The following IL36G variants were observed in gnomAD, a reference collection of about 807,000 sequenced individuals.
The protein encoded by IL36G is interleukin-36 gamma.
A neutral mutation model predicts 13.5 loss-of-function variants in IL36G; 10 were observed. That is an observed-to-expected ratio of 0.74 (90% confidence interval 0.46 to 1.26). The LOEUF is 1.26. IL36G is among the 50% of genes most tolerant of loss of function. The pLI is 0.00. For missense variants in IL36G, 199 were observed against 203.0 expected (o/e 0.98, Z 0.12); for synonymous variants, 84 against 74.0 (o/e 1.13, Z -0.69).
Position 112,979,345 on chromosome 2 carries a change from C to T in IL36G, c.160+20C>T. ...CCCCAGGTGAGTGGTCACCCTGTGC[C>T]TTCCCCACTGTTTGCACTGCTGTGG... On this transcript the variant is annotated intron_variant, in intron 3 of 4. Transcript: ENST00000259205. 1 of 1,428,164 alleles carries T rather than the reference C, an allele frequency of 7.0e-7. No homozygotes were observed. 88.5% of individuals were successfully genotyped at this position (1,428,164 alleles called of 1,614,324 possible). A position where few individuals can be genotyped will look rare whatever the true frequency, so the allele number is the denominator to read the frequency against.
intron 4 of IL36G, 118 bp from the exon 5 acceptor site, chr2:112,984,722 C>A (rs1431453478): frequency 1.2e-6 from 1 of 847,634 alleles, no homozygotes; most frequent in Non-Finnish European, 1.9e-6. Flanking sequence ...TAGGCCTGCT[C>A]TAATAGATGG....
intron 1 of IL36G, among the ~76,000 whole-genome samples, chr2:112,978,341 G>A (rs1684201586): frequency 6.6e-6 from 1 of 152,208 alleles, no homozygotes; most frequent in Admixed American, 6.5e-5. Context: ...GTGCCTGTGG[G>A]TTATTTAAGG....
At chr2:112,984,628 C>T (rs1226156101) in intron 4 of IL36G, among the ~76,000 whole-genome samples, 1 of 152,176 alleles carries the variant, frequency 6.6e-6, no homozygotes, top group African/African-American at 2.4e-5. Context: ...CTTCCTACAC[C>T]ATCTCTGGAT....
At chr2:112,981,988 C>A (rs769387971) in intron 4 of IL36G, among the ~76,000 whole-genome samples, 3 of 152,142 alleles carry the variant, frequency 2.0e-5, no homozygotes, top group Non-Finnish European at 4.4e-5. Flanking sequence ...TCTAGCACTG[C>A]GTAGATGCTT....
chr2:112,981,119 T>C (rs779018578), intron 4 of IL36G: 4 of 865,390 alleles, frequency 4.6e-6, no homozygotes, highest in Non-Finnish European at 7.6e-6. Context: ...TTTTTCAAAC[T>C]GTACAGTCAC....
chr2:112,980,997 A>G (rs1421256484), intron 4 of IL36G, among the ~76,000 whole-genome samples: 8 of 152,244 alleles, frequency 5.3e-5, no homozygotes. Context: ...TATTAGTGAC[A>G]TATGCCCCTT....
In IL36G at chr2:112,980,541, G is replaced by A. The variant is rs115035667; in HGVS notation, c.300+393G>A. Among the ~76,000 whole-genome samples the A allele has an allele frequency of 9.1e-3, 1,379 of 152,324 alleles. 23 individuals carry two copies. Among genetic ancestry groups the A allele is most frequent in the African/African-American group, 0.032 (1,314 of 41,552 alleles). On this transcript the variant is annotated intron_variant, in intron 4 of 4. Coordinates refer to ENST00000259205, the MANE Select transcript of IL36G (RefSeq NM_019618.4). The stretch of plus-strand genomic sequence containing the variant: ...GTCTTCATCTGATGCTCTGAACAGG[G>A]AGAGTTTAGAGTGAGAGTTGACATT...
intron 2 of IL36G, among the ~76,000 whole-genome samples, 180 bp from the exon 3 acceptor site, chr2:112,979,041 G>A (rs1684214629): frequency 6.6e-6 from 1 of 152,228 alleles, no homozygotes; most frequent in Admixed American, 6.5e-5. Context: ...CCTCACCAGA[G>A]CTCACAACTT....
chr2:112,983,844 A>C (rs146885557), intron 4 of IL36G, among the ~76,000 whole-genome samples: 1 of 152,294 alleles, frequency 6.6e-6, no homozygotes, highest in East Asian at 1.9e-4. Flanking sequence ...TGATTATTAG[A>C]GAATAGAGTA....
chr2:112,979,615 T>C (rs1684228183), intron 3 of IL36G, among the ~76,000 whole-genome samples: 1 of 152,148 alleles, frequency 6.6e-6, no homozygotes, highest in Admixed American at 6.5e-5. Flanking sequence ...TGTCCTAAAA[T>C]GACTAAATGG....
chr2:112,980,223 A>G (rs989133940), intron 4 of IL36G, 75 bp downstream of exon 4: 5 of 1,261,814 alleles, frequency 4.0e-6, no homozygotes, highest in Non-Finnish European at 5.5e-6. Flanking sequence ...TTTTAGAATT[A>G]AAAAAGAAAT....
At position 112,985,371 on chromosome 2, in the gene IL36G, A is replaced by G. The variant is rs1684332721; in HGVS notation, c.*322A>G. 3.2e-6 allele frequency: 1 copy of G among 308,604 alleles called. No homozygotes were observed. Among genetic ancestry groups the G allele is most frequent in the East Asian group, 7.4e-5 (1 of 13,470 alleles). 19.1% of individuals were successfully genotyped at this position (308,604 alleles called of 1,614,324 possible). On this transcript the variant is annotated 3_prime_UTR_variant, in exon 5 of 5. Transcript: ENST00000259205. ...CTTTCTTCTAGGGGTGGGTATGAAGATGCTTCAGAGCTCATGCGCGTTACC... is the reference window on the plus strand; with the variant it reads ...CTTTCTTCTAGGGGTGGGTATGAAGGTGCTTCAGAGCTCATGCGCGTTACC...
In IL36G at chr2:112,984,862, A is replaced by G; in HGVS notation, c.323A>G (p.Tyr108Cys). The G allele has an allele frequency of 6.2e-7, 1 of 1,614,136 alleles. No homozygotes were observed. Among genetic ancestry groups the G allele is most frequent in the South Asian group, 1.1e-5 (1 of 91,086 alleles). ...QLKEQKIMDL[Y>C]GQPEPVKPFL... ...CAGGAGCAGAAGATCATGGATCTGT[A>G]TGGCCAACCCGAGCCCGTGAAACCC... The change falls in exon 5 of 5, where the codon TAT (tyrosine) becomes TGT (cysteine). Residue 108 changes from tyrosine to cysteine, a missense_variant. Transcript: ENST00000259205.
Position 112,980,123 on chromosome 2 carries a change from G to T in IL36G, c.275G>T (p.Gly92Val). 1 of 1,614,100 alleles carries T rather than the reference G, an allele frequency of 6.2e-7. No homozygotes were observed. Among genetic ancestry groups the T allele is most frequent in the South Asian group, 1.1e-5 (1 of 91,072 alleles). Residue 92 changes from glycine to valine, a missense_variant, in exon 4 of 5, where the codon GGA (glycine) becomes GTA (valine). Gly to Val is a moderately radical substitution (Grantham distance 109). Transcript: ENST00000259205. ...PEMCLYCEKV[G>V]EQPTLQLKEQ... ...ATGTGTTTGTATTGTGAGAAGGTTG[G>T]AGAACAGCCCACATTGCAGCTAAAA...
chr2:112,980,033 A>G lies in IL36G; in HGVS notation c.185A>G (p.Lys62Arg), dbSNP rs751671434. 1 of 1,613,598 alleles carries G rather than the reference A, an allele frequency of 6.2e-7. No homozygotes were observed. The highest frequency in any genetic ancestry group is 1.3e-5 in the African/African-American group (1 of 74,908). Residue 62 changes from lysine to arginine, a missense_variant, in exon 4 of 5, where the codon AAG (lysine) becomes AGG (arginine). Physicochemically the swap from Lys to Arg is conservative, Grantham distance 26. Transcript: ENST00000259205. ...GTCACTGTTGCTGTTATCACATGCAAGTATCCAGAGGCTCTTGAGCAAGGC... is the reference window on the plus strand; with the variant it reads ...GTCACTGTTGCTGTTATCACATGCAGGTATCCAGAGGCTCTTGAGCAAGGC... ...TPVTVAVITC[K>R]YPEALEQGRG...
chr2:112,984,576 G>A (rs1187178511), intron 4 of IL36G, among the ~76,000 whole-genome samples: 1 of 152,086 alleles, frequency 6.6e-6, no homozygotes, highest in East Asian at 1.9e-4. Context: ...CTAACTTGTT[G>A]TTCAAGTGTG....
Position 112,978,915 on chromosome 2 carries a change from GGCAC to G in IL36G, c.55+223_55+226del, listed in dbSNP as rs368139718. ...CAGCACCGGGGCCAAGCACAGAGTA[GGCAC>G]AAAAGAGGGTAGCTGGGCCTTGGCA... On this transcript the variant is annotated intron_variant, in intron 2 of 4. Transcript: ENST00000259205. Among the ~76,000 whole-genome samples, 387 of 152,334 alleles carry G rather than the reference GGCAC, an allele frequency of 2.5e-3. 2 individuals are homozygous for G. The highest frequency in any genetic ancestry group is 9.0e-3 in the African/African-American group (376 of 41,574).
chr2:112,980,767 A>G (rs1464486284), intron 4 of IL36G, among the ~76,000 whole-genome samples: 2 of 152,256 alleles, frequency 1.3e-5, no homozygotes, highest in Admixed American at 1.3e-4. Flanking sequence ...GCCAGGTCCC[A>G]ACAGATGTCT....
chr2:112,980,172 A>T (rs756612016), intron 4 of IL36G, 24 bp downstream of exon 4: 18 of 1,602,140 alleles, frequency 1.1e-5, no homozygotes, highest in African/African-American at 2.7e-5. Context: ...AAAAATATTT[A>T]AAAAGCCTTT....
Sources: allele counts gnomAD v4.1 joint callset (sites outside exome capture counted in the v4.1 genomes callset), GRCh38; gene constraint gnomAD v4.1.1; transcripts MANE v1.5; gene names NCBI Gene and HGNC (gene_info 2026-07-23, HGNC 2026-07-21).